SPAG16: variants seen among roughly 807,000 people sequenced by gnomAD.
SPAG16 encodes sperm associated antigen 16.
Under a neutral mutation model 80.4 loss-of-function variants are expected in SPAG16, and 86 were observed. That is an observed-to-expected ratio of 1.07 (90% CI 0.90 to 1.28). The LOEUF (loss-of-function observed/expected upper bound fraction) is 1.28. SPAG16 is among the 50% of genes most tolerant of loss of function. SPAG16 has a pLI of 0.00. For missense variants in SPAG16, 870 were observed against 765.3 expected, an observed-to-expected ratio of 1.14 and a Z score of -1.61; for synonymous variants, 294 against 265.9, an observed-to-expected ratio of 1.11 and a Z score of -1.03.
intron 12 of SPAG16, among the ~76,000 whole-genome samples, chr2:213,954,547 T>C (rs2044018957): frequency 6.6e-6 from 1 of 152,046 alleles, no homozygotes; most frequent in Non-Finnish European, 1.5e-5. Context: ...GTATAGAATG[T>C]GCAGGTTTGT....
At chr2:214,046,276 A>G (rs1482429133) in intron 13 of SPAG16, among the ~76,000 whole-genome samples, 2 of 152,208 alleles carry the variant, frequency 1.3e-5, no homozygotes, top group Non-Finnish European at 2.9e-5. Context: ...AACTTTAAAA[A>G]AAAGAAATAA....
chr2:213,980,570 G>C (rs1199953824), intron 12 of SPAG16, among the ~76,000 whole-genome samples: 1 of 100,092 alleles, frequency 1.0e-5, no homozygotes, highest in African/African-American at 3.2e-5. Flanking sequence ...TGTATATATA[G>C]AGAGTATATG....
chr2:214,263,381 G>A (rs1458239689), intron 15 of SPAG16, among the ~76,000 whole-genome samples: 1 of 152,052 alleles, frequency 6.6e-6, no homozygotes, highest in Admixed American at 6.6e-5. Context: ...GCATATTATT[G>A]TATGTGTGTG....
intron 11 of SPAG16, among the ~76,000 whole-genome samples, chr2:213,893,252 C>T (rs2076855522): frequency 6.6e-6 from 1 of 151,934 alleles, no homozygotes; most frequent in African/African-American, 2.4e-5. Flanking sequence ...AATTCTTTCC[C>T]AGACAAACAA....
intron 12 of SPAG16, among the ~76,000 whole-genome samples, chr2:213,931,203 A>T (rs142557709): frequency 6.2e-4 from 94 of 152,300 alleles, no homozygotes; most frequent in African/African-American, 2.2e-3. Flanking sequence ...TTTCCTGACA[A>T]GTCCTTGAAA....
At chr2:213,841,312 G>A (rs2556321) in intron 10 of SPAG16, among the ~76,000 whole-genome samples, 7,904 of 152,208 alleles carry the variant, frequency 0.052, 690 homozygotes, top group African/African-American at 0.18. Context: ...AGTGGGGCAT[G>A]ACATAAGGGT....
intron 10 of SPAG16, among the ~76,000 whole-genome samples, chr2:213,813,949 G>T (rs539572587): frequency 1.8e-4 from 28 of 152,198 alleles, no homozygotes; most frequent in East Asian, 5.8e-4. Flanking sequence ...TCTAGGATCG[G>T]GGCTTTGAAA....
intron 12 of SPAG16, among the ~76,000 whole-genome samples, chr2:213,967,492 A>G (rs1156268800): frequency 2.6e-5 from 4 of 152,180 alleles, no homozygotes; most frequent in Admixed American, 2.6e-4. Flanking sequence ...ACCAGATACT[A>G]CTATATACAG....
intron 10 of SPAG16, among the ~76,000 whole-genome samples, chr2:213,560,575 T>A (rs1335413267): frequency 6.6e-6 from 1 of 152,190 alleles, no homozygotes; most frequent in African/African-American, 2.4e-5. Context: ...TATTCTCAGA[T>A]CCCTTTCTTA....
intron 10 of SPAG16, among the ~76,000 whole-genome samples, chr2:213,730,330 G>C (rs550356425): frequency 6.6e-6 from 1 of 152,200 alleles, no homozygotes; most frequent in East Asian, 1.9e-4. Context: ...AAGAAGTTTG[G>C]GATCAAAATA....
At chr2:213,970,015 T>G (rs1161810644) in intron 12 of SPAG16, among the ~76,000 whole-genome samples, 1 of 152,210 alleles carries the variant, frequency 6.6e-6, no homozygotes, top group Non-Finnish European at 1.5e-5. Context: ...ATTTGGTGTT[T>G]GGTGAGGGCT....
intron 8 of SPAG16, among the ~76,000 whole-genome samples, chr2:213,366,692 A>T (rs1268972246): frequency 6.6e-6 from 1 of 152,154 alleles, no homozygotes; most frequent in Non-Finnish European, 1.5e-5. Context: ...ACAATTCAAG[A>T]TGAGATTTGG....
At position 214,004,890 on chromosome 2, in the gene SPAG16, A is replaced by G. The variant is rs78385207; in HGVS notation, c.1401-9061A>G. 9.0e-3 allele frequency among the ~76,000 whole-genome samples: 1,365 copies of G among 152,260 alleles called. 32 individuals carry two copies. Among genetic ancestry groups the G allele is most frequent in the East Asian group, 0.084 (434 of 5,166 alleles). On this transcript the variant is annotated intron_variant, in intron 12 of 15. Transcript: ENST00000331683. Reference sequence around the variant, plus strand: ...CAAAGAGAGAATATTTGTGATTACAAATATATTTTATTAAATAGGCAAATT... The same window carrying G: ...CAAAGAGAGAATATTTGTGATTACAGATATATTTTATTAAATAGGCAAATT...
intron 12 of SPAG16, among the ~76,000 whole-genome samples, chr2:213,948,003 T>G (rs764155221): frequency 6.6e-6 from 1 of 152,138 alleles, no homozygotes; most frequent in Admixed American, 6.5e-5. Context: ...CATCAATTGC[T>G]GTATTCCTTT....
At chr2:214,047,627 T>G (rs1307756464) in intron 13 of SPAG16, among the ~76,000 whole-genome samples, 1 of 152,054 alleles carries the variant, frequency 6.6e-6, no homozygotes, top group Non-Finnish European at 1.5e-5. Context: ...AGGACATTGG[T>G]CTGGGCAAAG....
chr2:213,832,915 A>T (rs2073757248), intron 10 of SPAG16, among the ~76,000 whole-genome samples: 1 of 152,046 alleles, frequency 6.6e-6, no homozygotes, highest in Non-Finnish European at 1.5e-5. Flanking sequence ...GAAAGGTATC[A>T]AACCATTCCA....
intron 13 of SPAG16, among the ~76,000 whole-genome samples, chr2:214,081,157 T>A (rs1013504395): frequency 1.3e-5 from 2 of 151,774 alleles, no homozygotes; most frequent in Admixed American, 1.3e-4. Flanking sequence ...TATCCAATTA[T>A]CTCTTTTGCT....
At chr2:214,267,110 A>C (rs998510598) in intron 15 of SPAG16, among the ~76,000 whole-genome samples, 3 of 151,824 alleles carry the variant, frequency 2.0e-5, no homozygotes, top group Non-Finnish European at 4.4e-5. Flanking sequence ...TGGAACTACA[A>C]AAAATCCTGA....
intron 14 of SPAG16, among the ~76,000 whole-genome samples, chr2:214,122,080 G>A (rs182920401): frequency 7.9e-5 from 12 of 151,664 alleles, no homozygotes; most frequent in Admixed American, 7.9e-4. Flanking sequence ...ACACAAATAT[G>A]TATAATATAA....
Sources: allele counts gnomAD v4.1 joint callset (sites outside exome capture counted in the v4.1 genomes callset), GRCh38; gene constraint gnomAD v4.1.1; transcripts MANE v1.5; gene names NCBI Gene and HGNC (gene_info 2026-07-23, HGNC 2026-07-21).